The following SNX6 variants were observed in gnomAD, a reference collection of about 807,000 sequenced individuals.
SNX6 encodes sorting nexin 6.
Under a neutral mutation model 63.0 loss-of-function variants are expected in SNX6, and 34 were observed. The observed-to-expected ratio is 0.54, with a 90% CI of 0.41 to 0.72. SNX6 has a LOEUF of 0.72. SNX6 is among the 30% of genes least tolerant of loss of function. The pLI is 0.00. For synonymous variants in SNX6, 170 were observed against 164.2 expected (o/e 1.04, Z -0.27); for missense variants, 398 against 471.4 (o/e 0.84, Z 1.44).
At chr14:34,575,508 AT>A (rs1403915874) in intron 11 of SNX6, 2 of 185,928 alleles carry the variant, frequency 1.1e-5, no homozygotes, top group Admixed American at 6.2e-5. Flanking sequence ...CCACAAATTC[AT>A]TTTTTTAAAG....
intron 4 of SNX6, 99 bp from the exon 5 acceptor site, chr14:34,605,816 G>T (rs7151774): frequency 0.81 from 1,115,791 of 1,370,706 alleles, 455,589 homozygotes; most frequent in East Asian, 0.84. Context: ...AAGCTAAGGG[G>T]ATCCAGAATG....
intron 8 of SNX6, among the ~76,000 whole-genome samples, chr14:34,592,756 C>A (rs1882448390): frequency 6.6e-6 from 1 of 152,116 alleles, no homozygotes; most frequent in African/African-American, 2.4e-5. Context: ...CAGGCTGGTG[C>A]AATACAAACA....
chr14:34,582,611 C>T (rs1047828565), intron 9 of SNX6, among the ~76,000 whole-genome samples: 3 of 151,986 alleles, frequency 2.0e-5, no homozygotes, highest in Non-Finnish European at 4.4e-5. Flanking sequence ...AGTGCAGTAG[C>T]GCCATCTCAC....
chr14:34,612,959 G>C (rs984519438), intron 2 of SNX6, among the ~76,000 whole-genome samples: 1 of 148,326 alleles, frequency 6.7e-6, no homozygotes, highest in Non-Finnish European at 1.5e-5. Context: ...TGAGGCAGGA[G>C]AATGGTGTGA....
chr14:34,565,396 A>G (rs1215830996), intron 13 of SNX6, among the ~76,000 whole-genome samples: 3 of 149,064 alleles, frequency 2.0e-5, no homozygotes, highest in Non-Finnish European at 4.5e-5. Flanking sequence ...TACCTTAAAG[A>G]AAAAAAAAAC....
At chr14:34,569,960 GT>G (rs1478381738) in intron 11 of SNX6, among the ~76,000 whole-genome samples, 1 of 152,062 alleles carries the variant, frequency 6.6e-6, no homozygotes, top group Non-Finnish European at 1.5e-5. Context: ...CTGCCATATG[GT>G]TTTCCATAGT....
chr14:34,612,901 T>C (rs2138365937), intron 2 of SNX6, among the ~76,000 whole-genome samples: 1 of 151,902 alleles, frequency 6.6e-6, no homozygotes, highest in Non-Finnish European at 1.5e-5. Flanking sequence ...AACATAAAAT[T>C]AGCTGGGTGC....
At chr14:34,623,155 G>A (rs778957536) in intron 2 of SNX6, among the ~76,000 whole-genome samples, 1 of 152,084 alleles carries the variant, frequency 6.6e-6, no homozygotes, top group Admixed American at 6.6e-5. Context: ...ATTTTTATGT[G>A]AAGTAACTAT....
intron 2 of SNX6, among the ~76,000 whole-genome samples, chr14:34,621,561 C>T (rs1042655100): frequency 1.6e-4 from 24 of 152,300 alleles, no homozygotes; most frequent in African/African-American, 5.5e-4. Flanking sequence ...AGACACAATC[C>T]TCAGCCTTAC....
chr14:34,629,003 A>G (rs576890515), intron 2 of SNX6, among the ~76,000 whole-genome samples: 2 of 152,080 alleles, frequency 1.3e-5, no homozygotes, highest in South Asian at 4.1e-4. Context: ...AATGCAACTA[A>G]CCTCAGAACA....
At chr14:34,571,104 C>T (rs1432204105) in intron 11 of SNX6, among the ~76,000 whole-genome samples, 1 of 151,600 alleles carries the variant, frequency 6.6e-6, no homozygotes, top group Non-Finnish European at 1.5e-5. Context: ...GAATATTATT[C>T]AGCACTAAGA....
chr14:34,589,077 T>C (rs1882288838), intron 8 of SNX6, among the ~76,000 whole-genome samples: 1 of 152,088 alleles, frequency 6.6e-6, no homozygotes, highest in Non-Finnish European at 1.5e-5. Flanking sequence ...GAGGTTGCAG[T>C]GAGCCAAGAT....
At chr14:34,569,064 G>C in intron 11 of SNX6, 1 of 1,212,688 alleles carries the variant, frequency 8.2e-7, no homozygotes, top group South Asian at 1.2e-5. Context: ...CAGACTTTCT[G>C]AGGAAGGCTG....
chr14:34,583,438 T>TTTTTC lies in SNX6; in HGVS notation c.795-1839_795-1838insGAAAA, dbSNP rs372650154. Among the ~76,000 whole-genome samples, 372 of 113,868 alleles carry TTTTTC rather than the reference T, an allele frequency of 3.3e-3. 2 individuals are homozygous for TTTTTC. The highest frequency in any genetic ancestry group is 9.1e-3 in the African/African-American group (265 of 29,052). The allele number at this position is 113,868 out of a possible 152,430, so 74.7% of individuals were successfully genotyped here. A position where few individuals can be genotyped will look rare whatever the true frequency, so the allele number is the denominator to read the frequency against. ...TAGAAATTGGTTATTCATTTTTTTC[T>TTTTTC]TTTTTTTTTTTTTGAGATGGGCTAT... is the stretch of plus-strand genomic sequence containing the variant. On this transcript the variant is annotated intron_variant, in intron 9 of 13. Transcript: ENST00000362031.
intron 10 of SNX6, among the ~76,000 whole-genome samples, chr14:34,579,285 C>A (rs1298308719): frequency 6.6e-6 from 1 of 151,934 alleles, no homozygotes. Flanking sequence ...CTATCAACAG[C>A]AGAACAGATA....
intron 2 of SNX6, among the ~76,000 whole-genome samples, chr14:34,612,508 A>G (rs997092480): frequency 3.3e-5 from 5 of 151,956 alleles, no homozygotes; most frequent in African/African-American, 7.2e-5. Context: ...ATCTTGGCTC[A>G]CTACAACCTC....
intron 11 of SNX6, among the ~76,000 whole-genome samples, chr14:34,574,596 GGTGACA>G (rs1325942514): frequency 6.9e-6 from 1 of 144,496 alleles, no homozygotes; most frequent in African/African-American, 2.6e-5. Flanking sequence ...GTTACAGTTG[GGTGACA>G]GAGTGAGACT....
At chr14:34,628,492 G>A (rs1287137162) in intron 2 of SNX6, among the ~76,000 whole-genome samples, 2 of 152,050 alleles carry the variant, frequency 1.3e-5, no homozygotes, top group Admixed American at 6.6e-5. Flanking sequence ...AGCTAGGCAT[G>A]GTGGCCCGTG....
Position 34,563,023 on chromosome 14 carries a change from T to C in SNX6, c.*99A>G. ...TTGATGCACTTTTTCAGCTGCTTTT[T>C]GTTTGTTTCCAGTGAGCATAAATGC... On this transcript the variant is annotated 3_prime_UTR_variant, in exon 14 of 14. Transcript: ENST00000362031. The C allele has an allele frequency of 1.6e-6, 2 of 1,233,466 alleles. No homozygotes were observed. Among genetic ancestry groups the C allele is most frequent in the Non-Finnish European group, 2.3e-6 (2 of 853,644 alleles). 76.4% of individuals were successfully genotyped at this position (1,233,466 alleles called of 1,614,324 possible).
Sources: allele counts gnomAD v4.1 joint callset (sites outside exome capture counted in the v4.1 genomes callset), GRCh38; gene constraint gnomAD v4.1.1; transcripts MANE v1.5; gene names NCBI Gene and HGNC (gene_info 2026-07-23, HGNC 2026-07-21).